Variants in TPST1 observed in about 807,000 individuals in gnomAD.
TPST1 encodes the protein protein-tyrosine sulfotransferase 1.
TPST1 carries 20 observed loss-of-function variants against 34.8 expected under a neutral mutation model. That is an observed-to-expected ratio of 0.57 (90% CI 0.40 to 0.84). The LOEUF (loss-of-function observed/expected upper bound fraction) is 0.84. TPST1 is among the 40% of genes least tolerant of loss of function. The pLI, the probability that TPST1 is intolerant of heterozygous loss-of-function variation, is 0.00. For synonymous variants in TPST1, 152 were observed against 159.4 expected, an observed-to-expected ratio of 0.95 and a Z score of 0.35; for missense variants, 353 against 455.5, an observed-to-expected ratio of 0.78 and a Z score of 2.05.
At chr7:66,264,645 A>G (rs753884290) in intron 2 of TPST1, among the ~76,000 whole-genome samples, 1 of 152,246 alleles carries the variant, frequency 6.6e-6, no homozygotes, top group African/African-American at 2.4e-5. Context: ...GTCTTGAAAC[A>G]AACAACTACA....
intron 2 of TPST1, among the ~76,000 whole-genome samples, chr7:66,272,998 T>C (rs1790735013): frequency 6.6e-6 from 1 of 152,198 alleles, no homozygotes; most frequent in Non-Finnish European, 1.5e-5. Context: ...AAATTGTCTC[T>C]GTTTGCTGAT....
intron 3 of TPST1, among the ~76,000 whole-genome samples, chr7:66,335,407 A>G (rs1386571609): frequency 6.6e-6 from 1 of 151,822 alleles, no homozygotes; most frequent in African/African-American, 2.4e-5. Flanking sequence ...GTGAGCCAAG[A>G]TCGCACCACT....
At chr7:66,221,794 TATTCTAACAGTTA>T (rs986220922) in intron 1 of TPST1, among the ~76,000 whole-genome samples, 53 of 152,344 alleles carry the variant, frequency 3.5e-4, no homozygotes, top group African/African-American at 1.1e-3. Flanking sequence ...TTACTGTTAG[TATTCTAACAGTTA>T]ATATCTGTAG....
At chr7:66,293,347 A>G (rs1429215251) in intron 3 of TPST1, among the ~76,000 whole-genome samples, 1 of 151,764 alleles carries the variant, frequency 6.6e-6, no homozygotes, top group African/African-American at 2.4e-5. Context: ...TACAAAGAAT[A>G]TAAAAATTAT....
intron 1 of TPST1, among the ~76,000 whole-genome samples, chr7:66,218,064 A>T (rs1789462183): frequency 2.0e-5 from 3 of 151,902 alleles, no homozygotes; most frequent in Admixed American, 2.0e-4. Context: ...GTTTTATTAG[A>T]GACAAGGTGT....
rs202247746 is a variant in TPST1, at chr7:66,241,244, G to A, written c.819G>A (p.Gly273=). The change falls in exon 2 of 6, where the codon GGG becomes GGA. Residue 273 remains glycine, a synonymous_variant. Coordinates refer to ENST00000304842, the MANE Select transcript of TPST1 (RefSeq NM_003596.4). ...HSVLHHEEMI[G]KAGGVSLSKV... The stretch of plus-strand genomic sequence containing the variant: ...TATTGCACCATGAAGAGATGATTGG[G>A]AAAGCTGGGGGAGTGTCTCTGTCAA... 6.2e-7 allele frequency: 1 copy of A among 1,609,958 alleles called. No homozygotes were observed. The highest frequency in any genetic ancestry group is 1.3e-5 in the African/African-American group (1 of 74,822).
chr7:66,241,192 T>C lies in TPST1; in HGVS notation c.767T>C (p.Phe256Ser). 6.2e-7 allele frequency: 1 copy of C among 1,614,172 alleles called. No individual in the cohort carries two copies. Among genetic ancestry groups the C allele is most frequent in the Non-Finnish European group, 8.5e-7 (1 of 1,180,036 alleles). ...CGGTGGATGAGAACACTCTTAAAGT[T>C]CCTCCAGATTCCATGGAACCACTCA... is the stretch of plus-strand genomic sequence containing the variant. ...PERWMRTLLKFLQIPWNHSVL... is the reference protein window; with the variant it reads ...PERWMRTLLKSLQIPWNHSVL... The change falls in exon 2 of 6, where the codon TTC becomes TCC. Residue 256 changes from phenylalanine to serine, a missense_variant. Coordinates refer to ENST00000304842, the MANE Select transcript of TPST1 (RefSeq NM_003596.4).
At chr7:66,331,167 A>T (rs1015192218) in intron 3 of TPST1, among the ~76,000 whole-genome samples, 1 of 152,222 alleles carries the variant, frequency 6.6e-6, no homozygotes, top group Non-Finnish European at 1.5e-5. Context: ...AGTTGACAAC[A>T]TGCAGCTGGC....
At chr7:66,270,241 A>G (rs1429474832) in intron 2 of TPST1, among the ~76,000 whole-genome samples, 1 of 152,212 alleles carries the variant, frequency 6.6e-6, no homozygotes, top group East Asian at 1.9e-4. Flanking sequence ...AGAGTGAACA[A>G]GGGAGTGTGT....
chr7:66,246,969 A>G (rs1023178061), intron 2 of TPST1, among the ~76,000 whole-genome samples: 1 of 152,264 alleles, frequency 6.6e-6, no homozygotes, highest in African/African-American at 2.4e-5. Flanking sequence ...AGTCTCTGCT[A>G]CATTATTGAG....
At chr7:66,273,221 T>G (rs1445580747) in intron 2 of TPST1, among the ~76,000 whole-genome samples, 1 of 152,102 alleles carries the variant, frequency 6.6e-6, no homozygotes. Flanking sequence ...AATTTAAAAT[T>G]TAATCAAGGA....
chr7:66,328,859 GCTCTCTCT>G (rs755431410), intron 3 of TPST1, among the ~76,000 whole-genome samples: 193 of 18,424 alleles, frequency 0.01, 3 homozygotes, highest in Middle Eastern at 0.031. Flanking sequence ...TCTCTCTCCC[GCTCTCTCT>G]CTCTCTCTCT....
chr7:66,340,388 C>T (rs903650236), intron 3 of TPST1, among the ~76,000 whole-genome samples: 2 of 151,962 alleles, frequency 1.3e-5, no homozygotes, highest in African/African-American at 4.8e-5. Context: ...AGGTCCTAGC[C>T]CAAGCAATTA....
chr7:66,210,492 G>C (rs1253833909), intron 1 of TPST1, among the ~76,000 whole-genome samples: 4 of 152,170 alleles, frequency 2.6e-5, no homozygotes, highest in Non-Finnish European at 5.9e-5. Flanking sequence ...GAATGAGGAT[G>C]GGGGATCGAG....
chr7:66,358,772 T>G (rs1584266551), intron 5 of TPST1, among the ~76,000 whole-genome samples: 1 of 152,222 alleles, frequency 6.6e-6, no homozygotes, highest in South Asian at 2.1e-4. Flanking sequence ...TAATTTTGTT[T>G]ATACAAAATG....
At chr7:66,355,540 G>A (rs1475463465) in intron 4 of TPST1, among the ~76,000 whole-genome samples, 2 of 151,816 alleles carry the variant, frequency 1.3e-5, no homozygotes, top group African/African-American at 2.4e-5. Flanking sequence ...TCATCGTAAG[G>A]GAATTTTTTT....
chr7:66,329,424 C>T (rs1264627287), intron 3 of TPST1, among the ~76,000 whole-genome samples: 1 of 149,724 alleles, frequency 6.7e-6, no homozygotes, highest in East Asian at 1.9e-4. Flanking sequence ...TGTATACTCA[C>T]ATGGCTTTTT....
chr7:66,268,598 C>G (rs1790637199), intron 2 of TPST1, among the ~76,000 whole-genome samples: 1 of 152,036 alleles, frequency 6.6e-6, no homozygotes. Flanking sequence ...AAAATCAATT[C>G]TTTGGGATGG....
intron 5 of TPST1, among the ~76,000 whole-genome samples, chr7:66,358,716 A>T (rs992167369): frequency 5.9e-5 from 9 of 152,032 alleles, no homozygotes; most frequent in African/African-American, 2.2e-4. Context: ...TGTTAGTCTT[A>T]TGCCCTGTGG....
Sources: gnomAD v4.1 joint callset for allele counts (sites outside exome capture counted in the v4.1 genomes callset) on GRCh38, gnomAD v4.1.1 for gene constraint, MANE v1.5 for transcripts, NCBI Gene and HGNC (gene_info 2026-07-23, HGNC 2026-07-21) for gene names.